Variants in CIB1 observed in about 807,000 individuals in gnomAD.
The protein encoded by CIB1 is calcium and integrin-binding protein 1.
Under a neutral mutation model 25.0 loss-of-function variants are expected in CIB1, and 19 were observed. The observed-to-expected ratio is 0.76, with a 90% CI of 0.53 to 1.12. The LOEUF is 1.12. Ranked by LOEUF, CIB1 falls within the 50% of genes most tolerant of loss-of-function variation. CIB1 has a pLI of 0.00. For synonymous variants in CIB1, 104 were observed against 98.5 expected (o/e 1.06, Z -0.33); for missense variants, 236 against 242.6 (o/e 0.97, Z 0.18).
At chr15:90,234,214 C>T, upstream of CIB1, 1 of 269,356 alleles carries the variant, frequency 3.7e-6, no homozygotes, top group Non-Finnish European at 7.0e-6. Context: ...GCTGCGTATG[C>T]GTCACGGGCG....
chr15:90,258,961 C>T, the CIB1 span: 1 of 1,613,860 alleles, frequency 6.2e-7, no homozygotes, highest in Non-Finnish European at 8.5e-7. Context: ...TTTAGTTCTT[C>T]ATTATTCCTG....
At chr15:90,231,254 G>C in intron 4 of CIB1, 41 bp from the exon 5 acceptor site, 1 of 1,609,034 alleles carries the variant, frequency 6.2e-7, no homozygotes, top group Non-Finnish European at 8.5e-7. Context: ...ACGGTTGGGA[G>C]GGGCTCTGAG....
At chr15:90,253,173 A>G in the CIB1 span, 12 of 1,254,852 alleles carry the variant, frequency 9.6e-6, 1 homozygote, top group South Asian at 1.5e-4. Flanking sequence ...TGTATACCTT[A>G]CCTGACCCAG....
the CIB1 span, chr15:90,241,076 A>G: frequency 1.2e-6 from 2 of 1,614,120 alleles, no homozygotes; most frequent in Non-Finnish European, 1.7e-6. Context: ...CTCTGCCACA[A>G]TCTCCCTTTG....
At chr15:90,240,960 A>C in the CIB1 span, 1 of 1,614,028 alleles carries the variant, frequency 6.2e-7, no homozygotes, top group Non-Finnish European at 8.5e-7. Flanking sequence ...GCCTCCCAAC[A>C]ATGAGGACTG....
chr15:90,246,090 A>G, the CIB1 span, among the ~76,000 whole-genome samples: 83 of 152,230 alleles, frequency 5.5e-4, no homozygotes, highest in Admixed American at 9.8e-4. Context: ...CCTAACCAAC[A>G]TGGTGAAACC....
chr15:90,234,168 AGG>A (rs140935136), upstream of CIB1: 19 of 231,176 alleles, frequency 8.2e-5, 1 homozygote, highest in Non-Finnish European at 1.3e-4. Flanking sequence ...CCGGGGTGGG[AGG>A]GGGGGGCGGG....
the CIB1 span, chr15:90,241,382 C>T: frequency 1.1e-5 from 18 of 1,614,046 alleles, no homozygotes; most frequent in African/African-American, 8.0e-5. Flanking sequence ...TGGTGATCAA[C>T]GTCAGCCCCC....
the CIB1 span, among the ~76,000 whole-genome samples, chr15:90,245,993 G>A: frequency 2.0e-5 from 3 of 152,020 alleles, no homozygotes; most frequent in East Asian, 5.8e-4. Context: ...TCATGCAGAG[G>A]CCGGGCACGG....
the CIB1 span, chr15:90,257,590 C>T: frequency 2.2e-5 from 34 of 1,560,960 alleles, no homozygotes; most frequent in Non-Finnish European, 2.6e-5. Flanking sequence ...CTGGAGAGGA[C>T]GGCCGCATGC....
In CIB1 at chr15:90,231,435, C is replaced by G. The variant is rs747471993; in HGVS notation, c.268G>C (p.Asp90His). 2 of 1,614,214 alleles carry G rather than the reference C, an allele frequency of 1.2e-6. No homozygotes were observed. The highest frequency in any genetic ancestry group is 2.2e-5 in the South Asian group (2 of 91,082). The change falls in exon 4 of 7, where the codon GAC becomes CAC. Residue 90 changes from aspartate (D) to histidine (H), a missense_variant. Physicochemically the swap from Asp to His is moderately conservative, Grantham distance 81. Transcript: ENST00000328649. ...AACACACTGAGGAGATCCAGGAAGTCCTCAAAGCTAAGGCTGTCTTTGGCT... is the reference window on the plus strand; with the variant it reads ...AACACACTGAGGAGATCCAGGAAGTGCTCAAAGCTAAGGCTGTCTTTGGCT... ...SPAKDSLSFE[D>H]FLDLLSVFSD...
chr15:90,255,648 G>A, the CIB1 span: 1 of 1,521,574 alleles, frequency 6.6e-7, no homozygotes, highest in Non-Finnish European at 9.0e-7. Flanking sequence ...CCTCCACTGT[G>A]ACTTCTCCCT....
At chr15:90,256,359 T>A in the CIB1 span, 1 of 1,601,988 alleles carries the variant, frequency 6.2e-7, no homozygotes, top group East Asian at 2.2e-5. Context: ...GCCTCATCTC[T>A]CCCAAAAGCC....
At chr15:90,263,924 A>G in the CIB1 span, 1 of 1,467,828 alleles carries the variant, frequency 6.8e-7, no homozygotes, top group Non-Finnish European at 9.2e-7. Flanking sequence ...GCAATCCCAC[A>G]TGTTCCCCGG....
the CIB1 span, chr15:90,243,000 T>G: frequency 9.6e-6 from 1 of 103,798 alleles, no homozygotes; most frequent in Non-Finnish European, 1.8e-5. Flanking sequence ...ATCTGCTACC[T>G]CTCCCCGTTC....
At chr15:90,235,814 C>G (rs996306052), upstream of CIB1, among the ~76,000 whole-genome samples, 2 of 152,026 alleles carry the variant, frequency 1.3e-5, no homozygotes, top group Admixed American at 6.6e-5. Context: ...GTGATTCGCC[C>G]ACCTCGGCCT....
chr15:90,249,872 T>C, the CIB1 span: 6 of 152,270 alleles, frequency 3.9e-5, no homozygotes, highest in Admixed American at 2.0e-4. Flanking sequence ...CCCTAGTGTG[T>C]ACACGTGCAG....
chr15:90,252,911 G>A, the CIB1 span, among the ~76,000 whole-genome samples: 5 of 152,292 alleles, frequency 3.3e-5, no homozygotes, highest in South Asian at 2.1e-4. Context: ...GCTGAGGCAC[G>A]AGAATCTCTT....
chr15:90,265,718 G>T, the CIB1 span: 36 of 1,613,186 alleles, frequency 2.2e-5, no homozygotes, highest in Non-Finnish European at 3.0e-5. Context: ...TCGACATGGC[G>T]GTTACCCTGA....
Sources: gnomAD v4.1 joint callset for allele counts (sites outside exome capture counted in the v4.1 genomes callset) on GRCh38, gnomAD v4.1.1 for gene constraint, MANE v1.5 for transcripts, NCBI Gene and HGNC (gene_info 2026-07-23, HGNC 2026-07-21) for gene names.